The following CACNA1B variants were observed in gnomAD, a reference collection of about 807,000 sequenced individuals.
The protein encoded by CACNA1B is voltage-dependent N-type calcium channel subunit alpha-1B.
Under a neutral mutation model 247.2 loss-of-function variants are expected in CACNA1B, and 70 were observed. That is an observed-to-expected ratio of 0.28 (90% CI 0.23 to 0.35). CACNA1B has a LOEUF of 0.35. Ranked by LOEUF, CACNA1B falls within the 10% of genes least tolerant of loss-of-function variation. CACNA1B has a pLI of 1.00. For missense variants in CACNA1B, 2,367 were observed against 3,197.4 expected, an observed-to-expected ratio of 0.74 and a Z score of 6.26; for synonymous variants, 1,231 against 1,294.4, an observed-to-expected ratio of 0.95 and a Z score of 1.05.
intron 6 of CACNA1B, among the ~76,000 whole-genome samples, chr9:137,935,359 T>C (rs1327757491): frequency 6.6e-6 from 1 of 152,184 alleles, no homozygotes; most frequent in Non-Finnish European, 1.5e-5. Flanking sequence ...CGGTGTTTGG[T>C]TTTCTGTCCT....
In CACNA1B at chr9:138,121,634, A is replaced by G. The variant is rs747674827; in HGVS notation, c.6655A>G (p.Ser2219Gly). The change falls in exon 47 of 47, where the codon AGC (serine) becomes GGC (glycine). Residue 2219 changes from serine (S) to glycine (G), a missense_variant. Physicochemically the swap from Ser to Gly is moderately conservative, Grantham distance 56 (BLOSUM62 0). Around this residue, in one of 12 missense-constraint regions of CACNA1B, gnomAD observed 773 missense variants for 779.4 expected, o/e 0.99. Transcript: ENST00000371372. The surrounding 1 kb of genome is among the most constrained non-coding windows in gnomAD (Gnocchi z 6.8). Reference sequence around the variant, plus strand: ...CATCCACTTCGCCGGGGCTCAGACCAGCCTCCCTGCCTTCTCCCCAGGCCG... The same window carrying G: ...CATCCACTTCGCCGGGGCTCAGACCGGCCTCCCTGCCTTCTCCCCAGGCCG... ...SPIHFAGAQT[S>G]LPAFSPGRLS... The G allele has an allele frequency of 6.2e-7, 1 of 1,612,836 alleles. No homozygotes were observed.
At chr9:138,037,526 G>A (rs1959061037) in intron 20 of CACNA1B, among the ~76,000 whole-genome samples, 1 of 152,190 alleles carries the variant, frequency 6.6e-6, no homozygotes, top group South Asian at 2.1e-4. Flanking sequence ...AGGTGTGGTG[G>A]CAAGCGCCTG....
intron 39 of CACNA1B, 108 bp downstream of exon 39, chr9:138,105,915 G>A (rs1478535929): frequency 2.9e-6 from 2 of 683,374 alleles, no homozygotes; most frequent in African/African-American, 1.8e-5. Flanking sequence ...GGGGCCAGCT[G>A]TGTCTGGAGG....
Position 138,050,519 on chromosome 9 carries a change from T to C in CACNA1B, c.3710+1204T>C, listed in dbSNP as rs1202651857. Among the ~76,000 whole-genome samples the C allele has an allele frequency of 6.6e-6, 1 of 152,246 alleles. No individual in the cohort carries two copies. Among genetic ancestry groups the C allele is most frequent in the East Asian group, 1.9e-4 (1 of 5,198 alleles). The stretch of plus-strand genomic sequence containing the variant: ...CACTCCAGCCCCCTGCAGTTCCCAC[T>C]ATTTCCTCTTTCTGTGATAAAGGAA... On this transcript the variant is annotated intron_variant, in intron 24 of 46. Coordinates refer to ENST00000371372, the MANE Select transcript of CACNA1B (RefSeq NM_000718.4). This position sits in a 1 kb window ranked among gnomAD's most constrained non-coding sequence, Gnocchi z 5.2.
At position 138,115,564 on chromosome 9, in the gene CACNA1B, T is replaced by C; in HGVS notation, c.5662T>C (p.Ser1888Pro). 1 of 1,613,358 alleles carries C rather than the reference T, an allele frequency of 6.2e-7. No homozygotes were observed. ...PGGLSQMGPV[S>P]LFHPLKATLE... is the part of the protein sequence containing the mutation. ...GCCTCCTTTGCAGATGGGTCCTGTG[T>C]CCCTGTTCCACCCTCTGAAGGCCAC... The change falls in exon 42 of 47, where the codon TCC becomes CCC. Residue 1888 changes from serine to proline, a missense_variant. This residue lies in a region of CACNA1B where 773 missense variants were observed against 779.4 expected (regional missense o/e 0.99). Coordinates refer to ENST00000371372, the MANE Select transcript of CACNA1B (RefSeq NM_000718.4).
chr9:138,074,127 G>T, intron 34 of CACNA1B, 61 bp downstream of exon 34: 1 of 1,137,782 alleles, frequency 8.8e-7, no homozygotes, highest in Non-Finnish European at 1.3e-6. Context: ...GAGCAGAGGG[G>T]CACTGATCAT....
rs1360651373 is a variant in CACNA1B, at chr9:138,120,380, C to T, written c.6238+8C>T. On this transcript the variant is annotated splice_region_variant and intron_variant, in intron 45 of 46. Coordinates refer to ENST00000371372, the MANE Select transcript of CACNA1B (RefSeq NM_000718.4). ...CTGCCGATATGGATGGCGGTGCGTGCGGAGGGGCCCGGGGAGTCCTTCGGG... is the reference window on the plus strand; with the variant it reads ...CTGCCGATATGGATGGCGGTGCGTGTGGAGGGGCCCGGGGAGTCCTTCGGG... 1.0e-5 allele frequency: 16 copies of T among 1,539,516 alleles called. No individual in the cohort carries two copies. Among genetic ancestry groups the T allele is most frequent in the African/African-American group, 9.5e-5 (7 of 73,318 alleles).
chr9:138,047,746 A>G (rs1959195965), intron 23 of CACNA1B, among the ~76,000 whole-genome samples: 1 of 152,188 alleles, frequency 6.6e-6, no homozygotes, highest in Non-Finnish European at 1.5e-5. Flanking sequence ...TCTGTCTCCA[A>G]TGTGCACATG....
In CACNA1B at chr9:138,053,264, C is replaced by T. The variant is rs1453034645; in HGVS notation, c.3808-582C>T. 4.6e-5 allele frequency among the ~76,000 whole-genome samples: 7 copies of T among 152,230 alleles called. No individual in the cohort carries two copies. In the South Asian group the frequency reaches 1.2e-3, roughly 27 times the overall value. On this transcript the variant is annotated intron_variant, in intron 25 of 46. Transcript: ENST00000371372. ...CCCGTTTCTGTGGCTGAACTCTGAC[C>T]TGTAAGGTCGGCCCTCCTAGGCATC...
In CACNA1B at chr9:138,123,165, AGGAG is replaced by A. The variant is rs942620897; in HGVS notation, c.*1168_*1171del. The A allele has an allele frequency of 4.6e-5, 7 of 152,430 alleles. No homozygotes were observed. Among genetic ancestry groups the A allele is most frequent in the African/African-American group, 1.7e-4 (7 of 41,462 alleles). The allele number at this position is 152,430 out of a possible 1,614,324, so 9.4% of individuals were successfully genotyped here. On this transcript the variant is annotated 3_prime_UTR_variant, in exon 47 of 47. Coordinates refer to ENST00000371372, the MANE Select transcript of CACNA1B (RefSeq NM_000718.4). ...AGAAGAGAGGCAAAGGCTGGTAGGAAGGAGGAAGACATTGGCTGGGGGCTTGGAT... is the reference window on the plus strand; with the variant it reads ...AGAAGAGAGGCAAAGGCTGGTAGGAAGAAGACATTGGCTGGGGGCTTGGAT...
intron 21 of CACNA1B, 33 bp downstream of exon 21, chr9:138,043,933 G>T: frequency 6.2e-7 from 1 of 1,606,002 alleles, no homozygotes. Context: ...GTGTGTGGCC[G>T]CCCACTCACC....
intron 6 of CACNA1B, among the ~76,000 whole-genome samples, chr9:137,934,850 C>T (rs1237958291): frequency 6.6e-6 from 1 of 152,166 alleles, no homozygotes; most frequent in South Asian, 2.1e-4. Context: ...CCTAGACCTT[C>T]CCTCTGACAG....
rs1232991277 is a variant in CACNA1B, at chr9:137,956,247, A to G, written c.1186+434A>G. On this transcript the variant is annotated intron_variant, in intron 8 of 46. Coordinates refer to ENST00000371372, the MANE Select transcript of CACNA1B (RefSeq NM_000718.4). Reference sequence around the variant, plus strand: ...CCTGTGGCACAGCTGTTCTCAGGGAAGCGACGTGTGGGTAGGGACGGGCAG... The same window carrying G: ...CCTGTGGCACAGCTGTTCTCAGGGAGGCGACGTGTGGGTAGGGACGGGCAG... Among the ~76,000 whole-genome samples the G allele has an allele frequency of 3.3e-5, 5 of 152,154 alleles. 1 individual carries two copies. In the South Asian group the frequency reaches 1.0e-3, roughly 31 times the overall value.
At chr9:137,879,717 G>A (rs1339038026) in intron 2 of CACNA1B, among the ~76,000 whole-genome samples, 1 of 152,184 alleles carries the variant, frequency 6.6e-6, no homozygotes, top group Non-Finnish European at 1.5e-5. Context: ...AGAGGCCCCC[G>A]TGGTAGCCCC....
rs1957380167 is a variant in CACNA1B, at chr9:137,913,528, A to G, written c.622+257A>G. On this transcript the variant is annotated intron_variant, in intron 4 of 46. Transcript: ENST00000371372. This position sits in a 1 kb window ranked among gnomAD's most constrained non-coding sequence, Gnocchi z 5.2. Reference sequence around the variant, plus strand: ...AGATGGAAGCTTTGTTCCTCCTCACATACTCTGTCACATTTCAGCATTTTG... The same window carrying G: ...AGATGGAAGCTTTGTTCCTCCTCACGTACTCTGTCACATTTCAGCATTTTG... 6.6e-6 allele frequency among the ~76,000 whole-genome samples: 1 copy of G among 152,174 alleles called. No homozygotes were observed. The highest frequency in any genetic ancestry group is 6.5e-5 in the Admixed American group (1 of 15,288).
intron 44 of CACNA1B, among the ~76,000 whole-genome samples, chr9:138,119,523 C>T (rs1037582866): frequency 6.6e-6 from 1 of 152,182 alleles, no homozygotes; most frequent in Admixed American, 6.5e-5. Flanking sequence ...GGATCTGAAC[C>T]TCGTCCGTGG....
intron 8 of CACNA1B, among the ~76,000 whole-genome samples, chr9:137,956,208 C>T (rs1171816001): frequency 6.6e-6 from 1 of 152,204 alleles, no homozygotes; most frequent in Non-Finnish European, 1.5e-5. Flanking sequence ...AGTGCCTCTT[C>T]AGAGATGAAC....
Position 137,913,370 on chromosome 9 carries a change from A to T in CACNA1B, c.622+99A>T, listed in dbSNP as rs1013952572. 11 of 930,722 alleles carry T rather than the reference A, an allele frequency of 1.2e-5. No homozygotes were observed. Among genetic ancestry groups the T allele is most frequent in the African/African-American group, 1.7e-5 (1 of 60,240 alleles). 57.7% of individuals were successfully genotyped at this position (930,722 alleles called of 1,614,324 possible). A position where few individuals can be genotyped will look rare whatever the true frequency, so the allele number is the denominator to read the frequency against. ...CCATGGCCATGGTTTGGCTTTGGTG[A>T]CTCTGAGCTTGCCACTTTTGACCCC... is the stretch of plus-strand genomic sequence containing the variant. On this transcript the variant is annotated intron_variant, in intron 4 of 46. Coordinates refer to ENST00000371372, the MANE Select transcript of CACNA1B (RefSeq NM_000718.4). This position sits in a 1 kb window ranked among gnomAD's most constrained non-coding sequence, Gnocchi z 5.2.
rs552487059 is a variant in CACNA1B, at chr9:137,881,390, C to G, written c.391-1354C>G. ...TAAGGTGGGAGTCAGATGCGGAGAG[C>G]CCTCGAGAGCCTGGCTTCCTGGGGA... On this transcript the variant is annotated intron_variant, in intron 2 of 46. Coordinates refer to ENST00000371372, the MANE Select transcript of CACNA1B (RefSeq NM_000718.4). The surrounding 1 kb of genome is among the most constrained non-coding windows in gnomAD (Gnocchi z 4.3). Among the ~76,000 whole-genome samples the G allele has an allele frequency of 4.6e-5, 7 of 152,264 alleles. No individual in the cohort carries two copies. The East Asian group carries it at 1.4e-3, about 29-fold the overall frequency.
Sources: gnomAD v4.1 joint callset for allele counts (sites outside exome capture counted in the v4.1 genomes callset) on GRCh38, gnomAD v4.1.1 for gene constraint, gnomAD v4.1.1 regional missense constraint, Gnocchi (gnomAD v3.1) non-coding constraint, MANE v1.5 for transcripts, NCBI Gene and HGNC (gene_info 2026-07-23, HGNC 2026-07-21) for gene names.